Variants in LYPD6 observed in about 807,000 individuals in gnomAD.
LYPD6 encodes the protein ly6/PLAUR domain-containing protein 6.
In LYPD6, 15 loss-of-function variants were observed where a neutral mutation model predicts 22.7. The observed-to-expected ratio is 0.66, with a 90% CI of 0.44 to 1.02. LYPD6 has a LOEUF of 1.02. Ranked by LOEUF, LYPD6 falls within the 50% of genes least tolerant of loss-of-function variation. The pLI is 0.00. For synonymous variants in LYPD6, 72 were observed against 77.5 expected (o/e 0.93, Z 0.37); for missense variants, 189 against 208.4 (o/e 0.91, Z 0.57).
At chr2:149,332,953 T>C (rs950023150) in intron 1 of LYPD6, among the ~76,000 whole-genome samples, 8 of 152,214 alleles carry the variant, frequency 5.3e-5, no homozygotes, top group African/African-American at 1.9e-4. Context: ...GTCCTAATTG[T>C]AATGTTTCAG....
At chr2:149,427,639 C>T (rs1026153256) in intron 1 of LYPD6, among the ~76,000 whole-genome samples, 3 of 152,120 alleles carry the variant, frequency 2.0e-5, no homozygotes, top group East Asian at 1.9e-4. Flanking sequence ...GCATAATGAC[C>T]GCATAATGAC....
intron 1 of LYPD6, among the ~76,000 whole-genome samples, chr2:149,348,597 G>T (rs1681303793): frequency 6.6e-6 from 1 of 152,232 alleles, no homozygotes; most frequent in South Asian, 2.1e-4. Flanking sequence ...CAAGCCAGGG[G>T]GAGTGTAGTA....
At chr2:149,344,857 A>C (rs901673715) in intron 1 of LYPD6, among the ~76,000 whole-genome samples, 8 of 152,162 alleles carry the variant, frequency 5.3e-5, no homozygotes, top group African/African-American at 1.9e-4. Flanking sequence ...AAAGTGAGGG[A>C]ATACAAGGTG....
intron 1 of LYPD6, among the ~76,000 whole-genome samples, chr2:149,346,700 G>GTTTGGTT (rs1681262438): frequency 6.6e-6 from 1 of 152,080 alleles, no homozygotes; most frequent in Non-Finnish European, 1.5e-5. Flanking sequence ...TTAAAAACTA[G>GTTTGGTT]TTTTGTTTTT....
chr2:149,335,401 A>G (rs553735151), intron 1 of LYPD6, among the ~76,000 whole-genome samples: 12 of 152,228 alleles, frequency 7.9e-5, no homozygotes, highest in Non-Finnish European at 1.5e-4. Context: ...AAAAAAGCTT[A>G]CAGAATAAGG....
At chr2:149,366,152 A>T in intron 1 of LYPD6, among the ~76,000 whole-genome samples, 1 of 152,206 alleles carries the variant, frequency 6.6e-6, no homozygotes, top group East Asian at 1.9e-4. Flanking sequence ...GGTCATATAG[A>T]TTATATCTCC....
At chr2:149,391,707 G>A (rs530827258) in intron 1 of LYPD6, among the ~76,000 whole-genome samples, 18 of 152,324 alleles carry the variant, frequency 1.2e-4, no homozygotes, top group African/African-American at 2.6e-4. Context: ...ATGACCCTGA[G>A]TTCTCCCTGC....
intron 3 of LYPD6, among the ~76,000 whole-genome samples, chr2:149,456,229 T>G (rs1680954433): frequency 6.6e-6 from 1 of 152,246 alleles, no homozygotes; most frequent in South Asian, 2.1e-4. Context: ...TTCTTGAGTC[T>G]ATTTTCTTTC....
chr2:149,404,822 G>C (rs1682657316), intron 1 of LYPD6, among the ~76,000 whole-genome samples: 1 of 152,190 alleles, frequency 6.6e-6, no homozygotes, highest in Admixed American at 6.5e-5. Context: ...AGTTTTCAAA[G>C]GGAATGCTTC....
intron 1 of LYPD6, among the ~76,000 whole-genome samples, chr2:149,372,782 G>T (rs1351487728): frequency 6.6e-6 from 1 of 152,192 alleles, no homozygotes; most frequent in Non-Finnish European, 1.5e-5. Context: ...TTTCTAGAAT[G>T]CTGGAAGTGT....
chr2:149,380,747 C>T (rs370376228), intron 1 of LYPD6, among the ~76,000 whole-genome samples: 8 of 152,040 alleles, frequency 5.3e-5, no homozygotes, highest in Non-Finnish European at 1.2e-4. Flanking sequence ...CATGAGCATA[C>T]GGATGGTATT....
intron 1 of LYPD6, among the ~76,000 whole-genome samples, chr2:149,337,524 C>A (rs141225113): frequency 2.6e-4 from 39 of 152,136 alleles, no homozygotes; most frequent in Middle Eastern, 3.4e-3. Flanking sequence ...TGTTTCTTTC[C>A]TTGGCTCTGG....
intron 1 of LYPD6, among the ~76,000 whole-genome samples, chr2:149,427,776 A>G (rs1178761452): frequency 6.6e-6 from 1 of 152,224 alleles, no homozygotes; most frequent in Non-Finnish European, 1.5e-5. Flanking sequence ...TATGATGTTC[A>G]CACAACACCA....
chr2:149,435,116 A>C (rs1683401168), intron 1 of LYPD6, among the ~76,000 whole-genome samples: 1 of 152,176 alleles, frequency 6.6e-6, no homozygotes, highest in Admixed American at 6.5e-5. Flanking sequence ...AGGAAGTGAC[A>C]CCAGGACTAT....
the LYPD6 span, among the ~76,000 whole-genome samples, chr2:149,486,339 C>T: frequency 6.6e-6 from 1 of 152,124 alleles, no homozygotes; most frequent in South Asian, 2.1e-4. Context: ...TCAGGTGTTT[C>T]GATAAGGTAA....
chr2:149,437,735 G>A lies in LYPD6; in HGVS notation c.27G>A (p.Trp9Ter). 1 of 1,614,108 alleles carries A rather than the reference G, an allele frequency of 6.2e-7. No homozygotes were observed. The change falls in exon 2 of 5, where the codon TGG (tryptophan) becomes TGA (stop). Residue 9 changes from tryptophan (W) to a stop codon, truncating the protein, a stop_gained. Transcript: ENST00000334166. LOFTEE classifies it high-confidence loss of function. Reference protein sequence around the residue: MEPGPALAWLLLLSLLADC... With the variant: MEPGPALA The stretch of plus-strand genomic sequence containing the variant: ...TGGAACCTGGCCCTGCTCTGGCCTG[G>A]CTCCTGCTCCTGAGCCTGCTGGCGG...
intron 3 of LYPD6, among the ~76,000 whole-genome samples, 153 bp from the exon 4 acceptor site, chr2:149,468,492 A>G (rs1275150191): frequency 6.6e-6 from 1 of 152,168 alleles, no homozygotes; most frequent in Non-Finnish European, 1.5e-5. Flanking sequence ...CTCTCCAAAG[A>G]GGTCTTTGGG....
At chr2:149,463,414 A>T (rs771938021) in intron 3 of LYPD6, among the ~76,000 whole-genome samples, 7 of 152,164 alleles carry the variant, frequency 4.6e-5, no homozygotes, top group Non-Finnish European at 1.0e-4. Context: ...AAACTAGATC[A>T]CTCAATACGT....
intron 1 of LYPD6, among the ~76,000 whole-genome samples, chr2:149,413,687 A>G (rs1440309006): frequency 6.6e-6 from 1 of 152,186 alleles, no homozygotes; most frequent in African/African-American, 2.4e-5. Context: ...ACTCACTGAC[A>G]TGGAGCAGTT....
Sources: gnomAD v4.1 joint callset for allele counts (sites outside exome capture counted in the v4.1 genomes callset) on GRCh38, gnomAD v4.1.1 for gene constraint, MANE v1.5 for transcripts, NCBI Gene and HGNC (gene_info 2026-07-23, HGNC 2026-07-21) for gene names.